Variants in NRG1 observed in about 807,000 individuals in gnomAD.
NRG1 encodes neuregulin 1.
In NRG1, 18 loss-of-function variants were observed where a neutral mutation model predicts 63.8. The ratio of observed to expected loss-of-function variants is 0.28; its 90% CI spans 0.19 to 0.42. The LOEUF is 0.42. NRG1 is among the 10% of genes least tolerant of loss of function. The probability of loss-of-function intolerance (pLI) is 1.00; values close to 1 mark genes in which losing one functional copy is unlikely to be tolerated. For synonymous variants in NRG1, 302 were observed against 301.3 expected, an observed-to-expected ratio of 1.00 and a Z score of -0.02; for missense variants, 762 against 814.7, an observed-to-expected ratio of 0.94 and a Z score of 0.79.
intron 1 of NRG1, among the ~76,000 whole-genome samples, chr8:32,073,081 A>C (rs1046207306): frequency 2.0e-5 from 3 of 152,154 alleles, no homozygotes; most frequent in Non-Finnish European, 4.4e-5. Flanking sequence ...AATTGATACT[A>C]TGAAAGTTCT....
intron 1 of NRG1, among the ~76,000 whole-genome samples, chr8:31,946,640 G>T (rs1802588530): frequency 1.3e-5 from 2 of 152,002 alleles, no homozygotes; most frequent in Admixed American, 6.6e-5. Flanking sequence ...ACCCTGAATG[G>T]CACTTATTTT....
At chr8:32,358,795 C>T (rs1260904585) in intron 1 of NRG1, among the ~76,000 whole-genome samples, 1 of 152,068 alleles carries the variant, frequency 6.6e-6, no homozygotes, top group African/African-American at 2.4e-5. Flanking sequence ...TATTTAAAGT[C>T]AGGAGAGGGC....
chr8:32,011,013 G>C (rs958513224), intron 1 of NRG1, among the ~76,000 whole-genome samples: 2 of 151,930 alleles, frequency 1.3e-5, no homozygotes, highest in Non-Finnish European at 2.9e-5. Context: ...ATTAGTAATG[G>C]GGAAGCAATC....
At chr8:32,413,866 G>A (rs1201114658) in intron 1 of NRG1, among the ~76,000 whole-genome samples, 3 of 151,804 alleles carry the variant, frequency 2.0e-5, no homozygotes, top group Non-Finnish European at 4.4e-5. Context: ...CTGCCCCAGG[G>A]TGAACTGGGA....
chr8:31,645,008 A>G (rs1804156623), intron 1 of NRG1, among the ~76,000 whole-genome samples: 1 of 152,170 alleles, frequency 6.6e-6, no homozygotes, highest in African/African-American at 2.4e-5. Context: ...AAATAGTGCA[A>G]CATGGCTTAG....
intron 1 of NRG1, among the ~76,000 whole-genome samples, chr8:31,841,751 T>A (rs1826221699): frequency 2.0e-5 from 3 of 152,294 alleles, no homozygotes; most frequent in South Asian, 4.1e-4. Context: ...TCAACTGATT[T>A]AAAAAATTAA....
chr8:31,721,876 C>A (rs531534124), intron 1 of NRG1, among the ~76,000 whole-genome samples: 1 of 152,230 alleles, frequency 6.6e-6, no homozygotes, highest in Non-Finnish European at 1.5e-5. Context: ...ACTAAATATT[C>A]CTTGTTGTAT....
intron 1 of NRG1, among the ~76,000 whole-genome samples, chr8:31,993,623 C>T (rs1468878730): frequency 1.3e-5 from 2 of 152,002 alleles, no homozygotes; most frequent in Admixed American, 6.6e-5. Flanking sequence ...TGTGAGGCCT[C>T]CCCAGCCAAT....
chr8:32,057,194 C>A (rs559332102), intron 1 of NRG1, among the ~76,000 whole-genome samples: 7 of 152,204 alleles, frequency 4.6e-5, no homozygotes, highest in Non-Finnish European at 7.4e-5. Context: ...ACTTCTAATT[C>A]GTGTGAATAG....
chr8:32,537,027 A>C (rs1832057180), intron 1 of NRG1, among the ~76,000 whole-genome samples: 1 of 149,570 alleles, frequency 6.7e-6, no homozygotes, highest in African/African-American at 2.5e-5. Context: ...CAACATGGTG[A>C]AATCCCATCT....
At chr8:32,388,270 G>C (rs1409568121) in intron 1 of NRG1, among the ~76,000 whole-genome samples, 1 of 152,132 alleles carries the variant, frequency 6.6e-6, no homozygotes, top group East Asian at 1.9e-4. Context: ...CCTCTCTGTT[G>C]ACATAAGTAA....
At chr8:31,750,402 A>G (rs1257341425) in intron 1 of NRG1, among the ~76,000 whole-genome samples, 1 of 151,904 alleles carries the variant, frequency 6.6e-6, no homozygotes, top group African/African-American at 2.4e-5. Context: ...ACAAATGCAA[A>G]ACTGAATGTC....
chr8:32,105,333 G>T (rs191123587), intron 1 of NRG1, among the ~76,000 whole-genome samples: 4 of 152,160 alleles, frequency 2.6e-5, no homozygotes, highest in African/African-American at 7.2e-5. Context: ...TCACAGTTCC[G>T]CATGGCTAGA....
At chr8:32,440,834 A>G (rs1412114946) in intron 1 of NRG1, 1 of 152,156 alleles carries the variant, frequency 6.6e-6, no homozygotes, top group Non-Finnish European at 1.5e-5. Flanking sequence ...AGGGCTGAGT[A>G]TTTCTTTCAT....
intron 1 of NRG1, among the ~76,000 whole-genome samples, chr8:32,187,797 T>C (rs1156831240): frequency 6.6e-6 from 1 of 152,184 alleles, no homozygotes; most frequent in South Asian, 2.1e-4. Flanking sequence ...CACATGTTGA[T>C]AGCAGAAAGC....
intron 5 of NRG1, among the ~76,000 whole-genome samples, chr8:32,667,152 G>A (rs1387478093): frequency 6.6e-6 from 1 of 152,146 alleles, no homozygotes; most frequent in Non-Finnish European, 1.5e-5. Context: ...TACAAACTGT[G>A]CAAGTATGTT....
chr8:32,565,247 T>C (rs531171355), intron 1 of NRG1, among the ~76,000 whole-genome samples: 1 of 152,194 alleles, frequency 6.6e-6, no homozygotes, highest in South Asian at 2.1e-4. Flanking sequence ...TCCATATCTC[T>C]TAAAAATTTC....
chr8:31,971,895 G>C (rs1397190871), intron 1 of NRG1, among the ~76,000 whole-genome samples: 1 of 151,982 alleles, frequency 6.6e-6, no homozygotes, highest in Non-Finnish European at 1.5e-5. Context: ...GTCATCTTCT[G>C]CTGGCTTAAC....
rs1563291349 is a variant in NRG1 at position 32,303,183 on chromosome 8, C to CAAAAAA, written c.38-292645_38-292644insAAAAAA. ...GGCAGAAAGAAGAGAAACTCAGTCT[C>CAAAAAA]CAAAAAAAAAAAAAAAAAAAAAAAG... On this transcript the variant is annotated intron_variant, in intron 1 of 10. Coordinates refer to the NRG1 transcript ENST00000519301. Among the ~76,000 whole-genome samples, 14 of 59,680 alleles carry CAAAAAA rather than the reference C, an allele frequency of 2.3e-4. 1 individual carries two copies. Among genetic ancestry groups the CAAAAAA allele is most frequent in the South Asian group, 9.5e-4 (1 of 1,050 alleles). The allele number at this position is 59,680 out of a possible 152,430, so 39.2% of individuals were successfully genotyped here. A position where few individuals can be genotyped will look rare whatever the true frequency, so the allele number is the denominator to read the frequency against.
Sources: allele counts gnomAD v4.1 joint callset (sites outside exome capture counted in the v4.1 genomes callset), GRCh38; gene constraint gnomAD v4.1.1; transcripts MANE v1.5; gene names NCBI Gene and HGNC (gene_info 2026-07-23, HGNC 2026-07-21).